NBN: variants seen among roughly 807,000 people sequenced by gnomAD.
The protein encoded by NBN is nibrin.
A neutral mutation model predicts 90.8 loss-of-function variants in NBN; 88 were observed. The ratio of observed to expected loss-of-function variants is 0.97; its 90% CI spans 0.82 to 1.16. The LOEUF (loss-of-function observed/expected upper bound fraction) is 1.16. Among genes scored for constraint, NBN ranks in the 50% most tolerant of loss-of-function variants. The pLI, the probability that NBN is intolerant of heterozygous loss-of-function variation, is 0.00. For synonymous variants in NBN, 328 were observed against 295.1 expected (o/e 1.11, Z -1.14); for missense variants, 894 against 869.6 (o/e 1.03, Z -0.35).
At chr8:89,982,634 T>C in intron 2 of NBN, 88 bp downstream of exon 2, 2 of 1,202,962 alleles carry the variant, frequency 1.7e-6, no homozygotes, top group South Asian at 1.2e-5. Flanking sequence ...ACAAATCCTG[T>C]GAACTCTCTC....
At chr8:89,941,122 A>G (rs1809925784) in intron 14 of NBN, among the ~76,000 whole-genome samples, 1 of 152,178 alleles carries the variant, frequency 6.6e-6, no homozygotes. Context: ...TTATGTCTTA[A>G]ATGTCTTATA....
At chr8:89,964,846 G>A (rs952527739) in intron 7 of NBN, among the ~76,000 whole-genome samples, 3 of 152,174 alleles carry the variant, frequency 2.0e-5, no homozygotes, top group Admixed American at 1.3e-4. Flanking sequence ...AGGCATGGTG[G>A]TTCATGCCTG....
Position 89,965,068 on chromosome 8 carries a change from C to T in NBN, c.897-561G>A, listed in dbSNP as rs1041225730. On this transcript the variant is annotated intron_variant, in intron 7 of 15. Coordinates refer to ENST00000265433, the MANE Select transcript of NBN (RefSeq NM_002485.5). ...GGTGGAGGTTGCAGTAAGCTGAGAT[C>T]GCGCCACTGCACTCCAGCCTGGATG... Among the ~76,000 whole-genome samples the T allele has an allele frequency of 3.9e-5, 6 of 151,916 alleles. No individual in the cohort carries two copies. In the East Asian group the frequency reaches 9.7e-4, roughly 25 times the overall value.
chr8:89,955,221 C>G, intron 10 of NBN, 62 bp downstream of exon 10: 1 of 1,484,624 alleles, frequency 6.7e-7, no homozygotes, highest in Non-Finnish European at 9.4e-7. Flanking sequence ...TACCATTCTA[C>G]AACAGTATAA....
At chr8:89,957,618 C>T (rs1431198823) in intron 9 of NBN, among the ~76,000 whole-genome samples, 2 of 152,202 alleles carry the variant, frequency 1.3e-5, no homozygotes, top group Non-Finnish European at 2.9e-5. Flanking sequence ...TCCAGTCCTA[C>T]AAGCTCCATT....
At position 89,958,449 on chromosome 8, in the gene NBN, A is replaced by T. The variant is rs13312904; in HGVS notation, c.1124+276T>A. Reference sequence around the variant, plus strand: ...AAGAGACTACGTATTGTCTCTTGACAATGACTACATATCGTCTATGGCCAC... The same window carrying T: ...AAGAGACTACGTATTGTCTCTTGACTATGACTACATATCGTCTATGGCCAC... On this transcript the variant is annotated intron_variant, in intron 9 of 15. Coordinates refer to ENST00000265433, the MANE Select transcript of NBN (RefSeq NM_002485.5). Among the ~76,000 whole-genome samples the T allele has an allele frequency of 0.013, 1,993 of 152,330 alleles. 45 individuals carry two copies. Among genetic ancestry groups the T allele is most frequent in the African/African-American group, 0.046 (1,899 of 41,570 alleles).
At chr8:89,981,572 A>G (rs1474414895) in intron 2 of NBN, 49 bp from the exon 3 acceptor site, 4 of 1,599,596 alleles carry the variant, frequency 2.5e-6, no homozygotes. Context: ...CAGTACATTC[A>G]CTTCTCAGAG....
rs922134221 is a variant in NBN at position 89,982,710 on chromosome 8, T to C, written c.171+12A>G. 4.3e-6 allele frequency: 7 copies of C among 1,609,606 alleles called. No homozygotes were observed. The highest frequency in any genetic ancestry group is 1.7e-5 in the Admixed American group (1 of 59,992). On this transcript the variant is annotated intron_variant, in intron 2 of 15. Coordinates refer to ENST00000265433, the MANE Select transcript of NBN (RefSeq NM_002485.5). ...CTTACTGGAAACTAGTGAAATAAAA[T>C]TAGTAACATACCAGGTTGGTTACAG...
chr8:89,937,089 C>G lies in NBN; in HGVS notation c.2185-14G>C, dbSNP rs2130739480. ...TTGATTTTGTACCTGTCAAAATTAACATAATTTCAAACATTTGCTCAGTGG... is the reference window on the plus strand; with the variant it reads ...TTGATTTTGTACCTGTCAAAATTAAGATAATTTCAAACATTTGCTCAGTGG... On this transcript the variant is annotated splice_polypyrimidine_tract_variant and intron_variant, in intron 14 of 15. Transcript: ENST00000265433. The G allele has an allele frequency of 6.2e-7, 1 of 1,610,110 alleles. No homozygotes were observed. Among genetic ancestry groups the G allele is most frequent in the Non-Finnish European group, 8.5e-7 (1 of 1,177,528 alleles).
At chr8:89,967,015 G>A (rs1450455339) in intron 7 of NBN, among the ~76,000 whole-genome samples, 1 of 152,162 alleles carries the variant, frequency 6.6e-6, no homozygotes, top group Admixed American at 6.5e-5. Flanking sequence ...CTATATAGCA[G>A]GTCCTCGAAT....
At chr8:89,972,464 C>G (rs1182726273) in intron 5 of NBN, among the ~76,000 whole-genome samples, 1 of 152,184 alleles carries the variant, frequency 6.6e-6, no homozygotes, top group Non-Finnish European at 1.5e-5. Context: ...TTTTTCTAAA[C>G]AACCGACTTT....
intron 7 of NBN, among the ~76,000 whole-genome samples, chr8:89,965,852 G>A (rs1811229547): frequency 1.3e-5 from 2 of 152,020 alleles, no homozygotes; most frequent in Admixed American, 6.6e-5. Context: ...CTTTTTGTGT[G>A]TACTGAGCTT....
chr8:89,948,438 T>C (rs1441083895), intron 11 of NBN, among the ~76,000 whole-genome samples: 1 of 152,230 alleles, frequency 6.6e-6, no homozygotes, highest in African/African-American at 2.4e-5. Flanking sequence ...TTACTTCAAC[T>C]GTTCAAGATA....
intron 5 of NBN, among the ~76,000 whole-genome samples, chr8:89,977,823 C>T (rs1050130548): frequency 6.6e-6 from 1 of 152,122 alleles, no homozygotes; most frequent in Admixed American, 6.5e-5. Flanking sequence ...AGCTCCATTC[C>T]CAAAGCTATG....
At position 89,970,387 on chromosome 8, in the gene NBN, C is replaced by A; in HGVS notation, c.873G>T (p.Gln291His). 1 of 1,612,770 alleles carries A rather than the reference C, an allele frequency of 6.2e-7. No individual in the cohort carries two copies. The highest frequency in any genetic ancestry group is 1.1e-5 in the South Asian group (1 of 91,058). ...LIPDCQKKWI[Q>H]SIMDMLQRQG... is the part of the protein sequence containing the mutation. Reference sequence around the variant, plus strand: ...ACCTTTGGAGCATATCCATTATTGACTGAATCCATTTCTTCTGACAGTCAG... The same window carrying A: ...ACCTTTGGAGCATATCCATTATTGAATGAATCCATTTCTTCTGACAGTCAG... The change falls in exon 7 of 16, where the codon CAG becomes CAT. Residue 291 changes from glutamine to histidine, a missense_variant. Gln to His is a conservative substitution (Grantham distance 24). Transcript: ENST00000265433.
chr8:89,962,136 G>A (rs1811017605), intron 8 of NBN, among the ~76,000 whole-genome samples: 1 of 152,084 alleles, frequency 6.6e-6, no homozygotes, highest in Non-Finnish European at 1.5e-5. Flanking sequence ...GTTTGTATAG[G>A]AAACAGGAGC....
rs769415813 is a variant in NBN at position 89,933,940 on chromosome 8, T to C, written c.*1642A>G. The C allele has an allele frequency of 1.6e-4, 37 of 231,408 alleles. No individual in the cohort carries two copies. The highest frequency in any genetic ancestry group is 2.7e-4 in the Non-Finnish European group (32 of 117,060). 14.3% of individuals were successfully genotyped at this position (231,408 alleles called of 1,614,324 possible). On this transcript the variant is annotated 3_prime_UTR_variant, in exon 16 of 16. Coordinates refer to ENST00000265433, the MANE Select transcript of NBN (RefSeq NM_002485.5). ...AAAATGAAACATCACTACACACCGA[T>C]TGGAATGGTTAAAAAGGAAAAATAC...
At chr8:89,962,302 T>G (rs146302118) in intron 8 of NBN, among the ~76,000 whole-genome samples, 170 of 152,330 alleles carry the variant, frequency 1.1e-3, no homozygotes, top group African/African-American at 3.9e-3. Context: ...CACAGGACAG[T>G]GACCCCAAAT....
Position 89,935,485 on chromosome 8 carries a change from A to G in NBN, c.*97T>C. On this transcript the variant is annotated 3_prime_UTR_variant, in exon 16 of 16. Transcript: ENST00000265433. ...TTTAGGCCATAAAACATTGTAACTT[A>G]AATCGCTTCTATACACTATATATTC... 1 of 1,427,588 alleles carries G rather than the reference A, an allele frequency of 7.0e-7. No homozygotes were observed. The highest frequency in any genetic ancestry group is 1.4e-5 in the African/African-American group (1 of 71,134). The allele number at this position is 1,427,588 out of a possible 1,614,324, so 88.4% of individuals were successfully genotyped here.
Sources: gnomAD v4.1 joint callset for allele counts (sites outside exome capture counted in the v4.1 genomes callset) on GRCh38, gnomAD v4.1.1 for gene constraint, MANE v1.5 for transcripts, NCBI Gene and HGNC (gene_info 2026-07-23, HGNC 2026-07-21) for gene names.